Variants in FMN2 observed in about 807,000 individuals in gnomAD.
FMN2 encodes the protein formin-2.
In FMN2, 51 loss-of-function variants were observed where a neutral mutation model predicts 142.3. That is an observed-to-expected ratio of 0.36 (90% CI 0.29 to 0.45). The LOEUF (loss-of-function observed/expected upper bound fraction) is 0.45. Ranked by LOEUF, FMN2 falls within the 20% of genes least tolerant of loss-of-function variation. FMN2 has a pLI of 1.00. For synonymous variants in FMN2, 882 were observed against 869.8 expected, an observed-to-expected ratio of 1.01 and a Z score of -0.25; for missense variants, 1,936 against 2,122.8, an observed-to-expected ratio of 0.91 and a Z score of 1.73.
At chr1:240,469,422 A>T (rs1676739710) in intron 16 of FMN2, among the ~76,000 whole-genome samples, 1 of 152,160 alleles carries the variant, frequency 6.6e-6, no homozygotes, top group Non-Finnish European at 1.5e-5. Flanking sequence ...GCTTAGAGTG[A>T]GGTGACTGAC....
At chr1:240,331,715 A>C (rs1671383415) in intron 11 of FMN2, among the ~76,000 whole-genome samples, 1 of 152,172 alleles carries the variant, frequency 6.6e-6, no homozygotes, top group Non-Finnish European at 1.5e-5. Flanking sequence ...ACCCATCCTA[A>C]GTTGAAAATA....
In FMN2 at chr1:240,341,146, C is replaced by T. The variant is rs1671727956; in HGVS notation, c.4765+6917C>T. Among the ~76,000 whole-genome samples the T allele has an allele frequency of 3.3e-5, 5 of 152,164 alleles. No homozygotes were observed. The South Asian group carries it at 1.0e-3, about 32-fold the overall frequency. ...AATTCTAATGTTTATGTTATCAATGCAGTAAATCATAATAATTCTTGTTTC... is the reference window on the plus strand; with the variant it reads ...AATTCTAATGTTTATGTTATCAATGTAGTAAATCATAATAATTCTTGTTTC... On this transcript the variant is annotated intron_variant, in intron 13 of 17. Transcript: ENST00000319653.
chr1:240,354,088 C>T (rs1572222277), intron 13 of FMN2, among the ~76,000 whole-genome samples: 1 of 152,056 alleles, frequency 6.6e-6, no homozygotes, highest in Non-Finnish European at 1.5e-5. Flanking sequence ...CAGGGTGTAG[C>T]TGAGAGGGCA....
intron 7 of FMN2, among the ~76,000 whole-genome samples, chr1:240,262,026 G>A (rs1339295458): frequency 6.6e-6 from 1 of 152,086 alleles, no homozygotes; most frequent in African/African-American, 2.4e-5. Flanking sequence ...GGTCCCTTCA[G>A]CCAGTGCTGT....
intron 1 of FMN2, among the ~76,000 whole-genome samples, chr1:240,106,341 T>C (rs1661607829): frequency 6.6e-6 from 1 of 152,334 alleles, no homozygotes; most frequent in Non-Finnish European, 1.5e-5. Context: ...TTTCCCTGCA[T>C]GTTGATAAAT....
At position 240,342,731 on chromosome 1, in the gene FMN2, ATT is replaced by A. The variant is rs1671783384; in HGVS notation, c.4765+8503_4765+8504del. Among the ~76,000 whole-genome samples the A allele has an allele frequency of 3.3e-5, 5 of 152,308 alleles. No homozygotes were observed. In the East Asian group the frequency reaches 9.7e-4, roughly 29 times the overall value. On this transcript the variant is annotated intron_variant, in intron 13 of 17. Coordinates refer to ENST00000319653, the MANE Select transcript of FMN2 (RefSeq NM_020066.5). ...TAGATTAGTAAAGAATCTTAGAGAC[ATT>A]GTGGTCTCATACCTTAATCATTTAA...
intron 8 of FMN2, among the ~76,000 whole-genome samples, chr1:240,305,951 G>GTTTTTTTTTTT (rs10577212): frequency 6.6e-5 from 8 of 121,762 alleles, no homozygotes; most frequent in Non-Finnish European, 1.4e-4. Flanking sequence ...ATGCTTGTAA[G>GTTTTTTTTTTT]TTTTTTTTTT....
At chr1:240,120,172 C>G (rs1380313952) in intron 1 of FMN2, among the ~76,000 whole-genome samples, 1 of 152,080 alleles carries the variant, frequency 6.6e-6, no homozygotes, top group Admixed American at 6.6e-5. Context: ...GTTTTATAGA[C>G]AGAAATACAA....
chr1:240,364,830 TGAATGAAG>T (rs374656616), intron 14 of FMN2, among the ~76,000 whole-genome samples: 162 of 152,334 alleles, frequency 1.1e-3, no homozygotes, highest in African/African-American at 3.7e-3. Flanking sequence ...CACAGATGAA[TGAATGAAG>T]GAATGACTGT....
chr1:240,444,365 C>T (rs1346051518), intron 16 of FMN2, among the ~76,000 whole-genome samples: 1 of 152,136 alleles, frequency 6.6e-6, no homozygotes. Flanking sequence ...CACAGACAGT[C>T]CAGAGAGCTA....
chr1:240,184,639 A>C (rs946753338), intron 3 of FMN2, among the ~76,000 whole-genome samples: 7 of 151,794 alleles, frequency 4.6e-5, no homozygotes, highest in African/African-American at 1.5e-4. Flanking sequence ...TTTGAAAATA[A>C]TAACCATTCT....
At chr1:240,226,835 TAC>T (rs1190160042) in intron 6 of FMN2, among the ~76,000 whole-genome samples, 4 of 141,914 alleles carry the variant, frequency 2.8e-5, no homozygotes, top group South Asian at 2.4e-4. Context: ...CACACACACA[TAC>T]ACACACACAC....
chr1:240,301,586 A>G (rs1381699629), intron 8 of FMN2, among the ~76,000 whole-genome samples: 8 of 151,732 alleles, frequency 5.3e-5, no homozygotes, highest in African/African-American at 2.4e-5. Flanking sequence ...TTCATCTTAG[A>G]ATTTTTTTTA....
At chr1:240,286,113 C>G (rs1669581558) in intron 7 of FMN2, among the ~76,000 whole-genome samples, 2 of 151,756 alleles carry the variant, frequency 1.3e-5, no homozygotes, top group South Asian at 2.1e-4. Flanking sequence ...GGTCTTTTTT[C>G]CTGGGATGGA....
rs1238662014 is a variant in FMN2, at chr1:240,242,496, A to C, written c.4066-15449A>C. Among the ~76,000 whole-genome samples, 3 of 152,332 alleles carry C rather than the reference A, an allele frequency of 2.0e-5. No individual in the cohort carries two copies. The East Asian group carries it at 5.8e-4, about 29-fold the overall frequency. ...GGATCATAGACTAAATAAGAATGAA[A>C]GCAGGAACCAAGAAGATGGTGTCAG... On this transcript the variant is annotated intron_variant, in intron 6 of 17. Transcript: ENST00000319653.
chr1:240,134,403 C>T (rs150751863), intron 2 of FMN2, among the ~76,000 whole-genome samples: 1,683 of 152,148 alleles, frequency 0.011, 34 homozygotes, highest in African/African-American at 0.038. Flanking sequence ...GCAGGAGGAT[C>T]GCTTGAGCCC....
At position 240,313,278 on chromosome 1, in the gene FMN2, A is replaced by G. The variant is rs76564927; in HGVS notation, c.4216-15798A>G. Among the ~76,000 whole-genome samples the G allele has an allele frequency of 2.4e-4, 37 of 152,282 alleles. No homozygotes were observed. The East Asian group carries it at 7.1e-3, about 29-fold the overall frequency. On this transcript the variant is annotated intron_variant, in intron 8 of 17. Transcript: ENST00000319653. ...GAACCACTGATGCTTCCTTTTTCTA[A>G]CAAATATGCATAACGCCCTTTTCAC...
At chr1:240,466,639 A>G (rs1169778618) in intron 16 of FMN2, among the ~76,000 whole-genome samples, 2 of 152,082 alleles carry the variant, frequency 1.3e-5, no homozygotes, top group African/African-American at 4.8e-5. Flanking sequence ...ACAATTTCAC[A>G]CTTTTTTTAC....
At chr1:240,345,643 C>T (rs375019730) in intron 13 of FMN2, among the ~76,000 whole-genome samples, 31 of 152,006 alleles carry the variant, frequency 2.0e-4, no homozygotes, top group East Asian at 1.2e-3. Flanking sequence ...CCACCATGAC[C>T]GGCTAATTTT....
Sources: gnomAD v4.1 joint callset for allele counts (sites outside exome capture counted in the v4.1 genomes callset) on GRCh38, gnomAD v4.1.1 for gene constraint, MANE v1.5 for transcripts, NCBI Gene and HGNC (gene_info 2026-07-23, HGNC 2026-07-21) for gene names.